NLN: variants seen among roughly 807,000 people sequenced by gnomAD.
NLN encodes neurolysin.
Under a neutral mutation model 79.9 loss-of-function variants are expected in NLN, and 64 were observed. That is an observed-to-expected ratio of 0.80 (90% confidence interval 0.65 to 0.99). NLN has a LOEUF of 0.99. Among genes scored for constraint, NLN ranks in the 50% least tolerant of loss-of-function variants. The probability of loss-of-function intolerance (pLI) is 0.00; values close to 1 mark genes in which losing one functional copy is unlikely to be tolerated. For missense variants in NLN, 835 were observed against 858.7 expected (o/e 0.97, Z 0.34); for synonymous variants, 267 against 296.6 (o/e 0.90, Z 1.02).
intron 1 of NLN, among the ~76,000 whole-genome samples, chr5:65,723,814 C>CAAAAAAAAAAAAAAAAAAAAAAAAA (rs760572199): frequency 1.8e-5 from 1 of 55,316 alleles, no homozygotes; most frequent in African/African-American, 6.4e-5. Context: ...GACTCCGTCT[C>CAAAAAAAAAAAAAAAAAAAAAAAAA]AAAAAAAAAA....
In NLN at chr5:65,778,784, A is replaced by G. The variant is rs935461718; in HGVS notation, c.558+1250A>G. On this transcript the variant is annotated intron_variant, in intron 4 of 12. Transcript: ENST00000380985. ...TTTATCTAAAGGGTGGCTTCCTTTCATTCCTAAAATGGCTATAAATCTAAA... is the reference window on the plus strand; with the variant it reads ...TTTATCTAAAGGGTGGCTTCCTTTCGTTCCTAAAATGGCTATAAATCTAAA... 5.3e-5 allele frequency among the ~76,000 whole-genome samples: 8 copies of G among 152,268 alleles called. No homozygotes were observed. The East Asian group carries it at 1.5e-3, about 29-fold the overall frequency.
chr5:65,801,768 T>A (rs1295987224), intron 9 of NLN, among the ~76,000 whole-genome samples: 3 of 152,200 alleles, frequency 2.0e-5, no homozygotes, highest in African/African-American at 7.2e-5. Flanking sequence ...ATTAACTGTG[T>A]TCTTATTTTA....
intron 6 of NLN, 88 bp downstream of exon 6, chr5:65,781,509 A>G: frequency 1.1e-6 from 1 of 925,606 alleles, no homozygotes; most frequent in Non-Finnish European, 1.7e-6. Context: ...AAGTCAGCTC[A>G]GAGACTGATA....
At chr5:65,757,616 G>A (rs999933064) in intron 1 of NLN, among the ~76,000 whole-genome samples, 3 of 152,064 alleles carry the variant, frequency 2.0e-5, no homozygotes, top group African/African-American at 7.2e-5. Context: ...GTATATGTAT[G>A]CATATGTATA....
rs2707781 is a variant in NLN, at chr5:65,792,595, C to T, written c.1467C>T (p.His489=). The T allele has an allele frequency of 1.1e-4, 170 of 1,613,946 alleles. 1 individual carries two copies. The East Asian group carries it at 3.5e-3, about 33-fold the overall frequency. ...CAGGTCGTCCCTCTCTCCTGAGACA[C>T]GACGAGGTGAGGACTTACTTTCATG... ...PVAGRPSLLR[H]DEVRTYFHEF... is the part of the protein sequence containing the mutation. The change falls in exon 9 of 13, where the codon CAC becomes CAT. Residue 489 remains histidine, a synonymous_variant. Coordinates refer to ENST00000380985, the MANE Select transcript of NLN (RefSeq NM_020726.5).
rs141348653 is a variant in NLN at position 65,735,577 on chromosome 5, T to A, written c.41+13163T>A. ...TTCTTTGTTCCCAGTATCACCATCA[T>A]AATCCAAATCTTCCTCATCATGAGT... On this transcript the variant is annotated intron_variant, in intron 1 of 12. Coordinates refer to ENST00000380985, the MANE Select transcript of NLN (RefSeq NM_020726.5). Among the ~76,000 whole-genome samples the A allele has an allele frequency of 7.2e-5, 11 of 152,314 alleles. No homozygotes were observed. The East Asian group carries it at 2.1e-3, about 29-fold the overall frequency.
intron 4 of NLN, among the ~76,000 whole-genome samples, chr5:65,779,029 T>C (rs977649178): frequency 5.9e-5 from 9 of 152,102 alleles, no homozygotes; most frequent in Non-Finnish European, 7.4e-5. Flanking sequence ...TCAGGTCCTA[T>C]GTGAACTACA....
intron 2 of NLN, among the ~76,000 whole-genome samples, chr5:65,761,831 G>A (rs754132317): frequency 5.9e-5 from 9 of 152,102 alleles, no homozygotes; most frequent in Admixed American, 2.6e-4. Flanking sequence ...TGTTTTAGGA[G>A]GACTGATACG....
chr5:65,743,864 C>T (rs1758917326), intron 1 of NLN, among the ~76,000 whole-genome samples: 1 of 152,202 alleles, frequency 6.6e-6, no homozygotes, highest in African/African-American at 2.4e-5. Flanking sequence ...AGCCTTACCT[C>T]TTATCCCTCC....
chr5:65,741,727 G>T (rs1226740154), intron 1 of NLN, among the ~76,000 whole-genome samples: 1 of 152,154 alleles, frequency 6.6e-6, no homozygotes, highest in African/African-American at 2.4e-5. Context: ...GTGGATAGTC[G>T]CATTAGTAAT....
At position 65,809,534 on chromosome 5, in the gene NLN, G is replaced by C. The variant is rs1760495033; in HGVS notation, c.1547G>C (p.Ser516Thr). Reference sequence around the variant, plus strand: ...TTCTAGACTGATTTTGCACGATTTAGCGGAACAAATGTGGAAACTGACTTT... The same window carrying C: ...TTCTAGACTGATTTTGCACGATTTACCGGAACAAATGTGGAAACTGACTTT... Reference protein sequence around the residue: ...ICAQTDFARFSGTNVETDFVE... With the variant: ...ICAQTDFARFTGTNVETDFVE... The change falls in exon 10 of 13, where the codon AGC (serine) becomes ACC (threonine). Residue 516 changes from serine to threonine, a missense_variant. Physicochemically the swap from Ser to Thr is moderately conservative, Grantham distance 58. Transcript: ENST00000380985. 8 of 1,603,062 alleles carry C rather than the reference G, an allele frequency of 5.0e-6. No homozygotes were observed. Among genetic ancestry groups the C allele is most frequent in the Non-Finnish European group, 6.8e-6 (8 of 1,177,056 alleles).
In NLN at chr5:65,827,156, A is replaced by C. The variant is rs1439160717; in HGVS notation, c.*4241A>C. ...ATGCTGTACGTCTGTAACAAAACAAAATTTGAAAAATTGAGGTAATGTACA... is the reference window on the plus strand; with the variant it reads ...ATGCTGTACGTCTGTAACAAAACAACATTTGAAAAATTGAGGTAATGTACA... On this transcript the variant is annotated 3_prime_UTR_variant, in exon 13 of 13. Coordinates refer to ENST00000380985, the MANE Select transcript of NLN (RefSeq NM_020726.5). 6.6e-6 allele frequency: 1 copy of C among 152,092 alleles called. No homozygotes were observed. Among genetic ancestry groups the C allele is most frequent in the Non-Finnish European group, 1.5e-5 (1 of 68,020 alleles). 9.4% of individuals were successfully genotyped at this position (152,092 alleles called of 1,614,324 possible).
intron 1 of NLN, among the ~76,000 whole-genome samples, chr5:65,750,129 TG>T (rs1759071986): frequency 6.6e-6 from 1 of 152,212 alleles, no homozygotes; most frequent in Non-Finnish European, 1.5e-5. Context: ...ATACATGTGC[TG>T]TCATGTGGAA....
At chr5:65,768,485 G>C (rs927755156) in intron 3 of NLN, among the ~76,000 whole-genome samples, 1 of 152,168 alleles carries the variant, frequency 6.6e-6, no homozygotes, top group Non-Finnish European at 1.5e-5. Flanking sequence ...CCCTCAATAC[G>C]TGGGGATTAA....
At chr5:65,819,720 C>T (rs181092699) in intron 12 of NLN, among the ~76,000 whole-genome samples, 2 of 152,080 alleles carry the variant, frequency 1.3e-5, no homozygotes, top group Non-Finnish European at 2.9e-5. Context: ...TCTTTATAAA[C>T]AAAGTATTAA....
At position 65,828,699 on chromosome 5, in the gene NLN, G is replaced by A. The variant is rs1201996715; in HGVS notation, c.*5784G>A. The A allele has an allele frequency of 1.3e-5, 2 of 152,238 alleles. No individual in the cohort carries two copies. Among genetic ancestry groups the A allele is most frequent in the Non-Finnish European group, 2.9e-5 (2 of 68,038 alleles). The allele number at this position is 152,238 out of a possible 1,614,324, so 9.4% of individuals were successfully genotyped here. ...TGGAAAGCCTGTAGCTGCCAGGAGTGTTACAGAGGGCATTCCTCCCTTGAG... is the reference window on the plus strand; with the variant it reads ...TGGAAAGCCTGTAGCTGCCAGGAGTATTACAGAGGGCATTCCTCCCTTGAG... On this transcript the variant is annotated 3_prime_UTR_variant, in exon 13 of 13. Coordinates refer to ENST00000380985, the MANE Select transcript of NLN (RefSeq NM_020726.5).
intron 1 of NLN, among the ~76,000 whole-genome samples, chr5:65,752,861 A>G (rs961931401): frequency 2.6e-5 from 4 of 152,212 alleles, no homozygotes; most frequent in African/African-American, 9.7e-5. Context: ...ATTAAGGTAA[A>G]ATCTCAGAAG....
chr5:65,810,288 C>A (rs755589401), intron 11 of NLN, 123 bp downstream of exon 11: 6 of 844,086 alleles, frequency 7.1e-6, no homozygotes, highest in Non-Finnish European at 9.4e-6. Flanking sequence ...TGTAATCAGG[C>A]CATGACTTTC....
rs972899861 is a variant in NLN at position 65,752,874 on chromosome 5, G to A, written c.42-5693G>A. On this transcript the variant is annotated intron_variant, in intron 1 of 12. Coordinates refer to ENST00000380985, the MANE Select transcript of NLN (RefSeq NM_020726.5). ...GAATTAAGGTAAAATCTCAGAAGGT[G>A]AGAAAAAAAGTATTAAGATAAAAAT... 7.9e-5 allele frequency among the ~76,000 whole-genome samples: 12 copies of A among 152,098 alleles called. 1 individual carries two copies. Among genetic ancestry groups the A allele is most frequent in the African/African-American group, 1.4e-4 (6 of 41,430 alleles).
Sources: allele counts gnomAD v4.1 joint callset (sites outside exome capture counted in the v4.1 genomes callset), GRCh38; gene constraint gnomAD v4.1.1; transcripts MANE v1.5; gene names NCBI Gene and HGNC (gene_info 2026-07-23, HGNC 2026-07-21).